The following NSD1 variants were observed in gnomAD, a reference collection of about 807,000 sequenced individuals.
The protein encoded by NSD1 is nuclear receptor binding SET domain protein 1.
Under a neutral mutation model 242.7 loss-of-function variants are expected in NSD1, and 26 were observed. The observed-to-expected ratio is 0.11, with a 90% confidence interval of 0.08 to 0.15. The LOEUF (loss-of-function observed/expected upper bound fraction) is 0.15. NSD1 is among the 10% of genes least tolerant of loss of function. The pLI is 1.00. For missense variants in NSD1, 2,495 were observed against 3,272.8 expected, an observed-to-expected ratio of 0.76 and a Z score of 5.80; for synonymous variants, 1,106 against 1,178.1, an observed-to-expected ratio of 0.94 and a Z score of 1.25.
At chr5:177,288,065 A>G (rs925665387) in intron 20 of NSD1, among the ~76,000 whole-genome samples, 1 of 152,224 alleles carries the variant, frequency 6.6e-6, no homozygotes, top group African/African-American at 2.4e-5. Flanking sequence ...ATATTTATGT[A>G]AAATTCTTAT....
At position 177,240,253 on chromosome 5, in the gene NSD1, A is replaced by G. The variant is rs549809827; in HGVS notation, c.4302+388A>G. ...CCCTTTTGTTTTGTTTTTTTGAGAC[A>G]GGGTCTGATTCTGTCACCCAGGCTG... On this transcript the variant is annotated intron_variant, in intron 8 of 22. Transcript: ENST00000439151. Among the ~76,000 whole-genome samples, 33 of 152,166 alleles carry G rather than the reference A, an allele frequency of 2.2e-4. No individual in the cohort carries two copies. In the South Asian group the frequency reaches 6.8e-3, roughly 32 times the overall value.
chr5:177,231,961 A>G (rs1427858360), intron 5 of NSD1, among the ~76,000 whole-genome samples: 1 of 152,020 alleles, frequency 6.6e-6, no homozygotes, highest in Non-Finnish European at 1.5e-5. Flanking sequence ...GTGTGGTGGC[A>G]CTGTCTTGGC....
chr5:177,152,309 TTGTG>T (rs34710422), intron 2 of NSD1, among the ~76,000 whole-genome samples: 15,489 of 145,278 alleles, frequency 0.11, 933 homozygotes, highest in East Asian at 0.24. Flanking sequence ...CCGAGCCAGG[TTGTG>T]TGTGTGTGTA....
intron 2 of NSD1, among the ~76,000 whole-genome samples, chr5:177,145,347 C>T (rs985088761): frequency 6.7e-5 from 10 of 149,476 alleles, no homozygotes; most frequent in African/African-American, 2.5e-4. Context: ...AGTATGATCA[C>T]AACTCACTGC....
At chr5:177,150,905 A>T (rs1489567580) in intron 2 of NSD1, among the ~76,000 whole-genome samples, 1 of 152,250 alleles carries the variant, frequency 6.6e-6, no homozygotes, top group African/African-American at 2.4e-5. Flanking sequence ...CTAATTTGTC[A>T]TTGGAATTTT....
In NSD1 at chr5:177,144,382, G is replaced by GT. The variant is rs10714468; in HGVS notation, c.927+8363dup. Among the ~76,000 whole-genome samples the GT allele has an allele frequency of 2.5e-4, 38 of 149,098 alleles. 1 individual carries two copies. In the South Asian group the frequency reaches 3.2e-3, roughly 12 times the overall value. ...AGCCACTGCATTTGGCTAAGTTTTT[G>GT]TTTTTTTTTTTCTCTATTTTTCCAA... On this transcript the variant is annotated intron_variant, in intron 2 of 22. Coordinates refer to ENST00000439151, the MANE Select transcript of NSD1 (RefSeq NM_022455.5).
chr5:177,239,262 T>C (rs1163040682), intron 7 of NSD1, among the ~76,000 whole-genome samples: 2 of 152,244 alleles, frequency 1.3e-5, no homozygotes, highest in African/African-American at 4.8e-5. Flanking sequence ...TAAAGATAGT[T>C]ATTATTTCAG....
intron 2 of NSD1, among the ~76,000 whole-genome samples, chr5:177,140,883 A>ATTTTTTGAATTT (rs1201949428): frequency 1.3e-5 from 2 of 152,144 alleles, no homozygotes; most frequent in Non-Finnish European, 1.5e-5. Flanking sequence ...ATGATTCCTC[A>ATTTTTTGAATTT]GAGGTTCCTT....
At chr5:177,246,568 G>C (rs539925915) in intron 9 of NSD1, 110 bp from the exon 10 acceptor site, 1 of 784,036 alleles carries the variant, frequency 1.3e-6, no homozygotes, top group East Asian at 2.5e-5. Context: ...AATCCACAAA[G>C]CTGGAGAATT....
intron 5 of NSD1, among the ~76,000 whole-genome samples, chr5:177,219,476 C>T (rs1167896583): frequency 8.5e-5 from 13 of 152,156 alleles, no homozygotes; most frequent in African/African-American, 2.4e-4. Flanking sequence ...TGAGCCACCG[C>T]GCCCGGCCCT....
chr5:177,156,532 T>C (rs995969222), intron 2 of NSD1, among the ~76,000 whole-genome samples: 1 of 152,120 alleles, frequency 6.6e-6, no homozygotes, highest in African/African-American at 2.4e-5. Flanking sequence ...AAATCAGACT[T>C]GGCTTGGAGC....
At chr5:177,251,455 T>C (rs1365287618) in intron 11 of NSD1, among the ~76,000 whole-genome samples, 1 of 152,176 alleles carries the variant, frequency 6.6e-6, no homozygotes, top group African/African-American at 2.4e-5. Flanking sequence ...ATCTCTATGC[T>C]CTTTTCTGAC....
chr5:177,259,732 T>C (rs1756833560), intron 13 of NSD1, among the ~76,000 whole-genome samples: 1 of 152,120 alleles, frequency 6.6e-6, no homozygotes, highest in South Asian at 2.1e-4. Context: ...GTCAGGACAG[T>C]GGTTTGAGTT....
rs142176028 is a variant in NSD1 at position 177,220,081 on chromosome 5, C to G, written c.3796+7886C>G. ...TATATGTTTGTTATATGCAATTGTT[C>G]AAGTCCTCTGTTTCTTTATTGATCT... is the stretch of plus-strand genomic sequence containing the variant. On this transcript the variant is annotated intron_variant, in intron 5 of 22. Coordinates refer to ENST00000439151, the MANE Select transcript of NSD1 (RefSeq NM_022455.5). 4.3e-3 allele frequency among the ~76,000 whole-genome samples: 647 copies of G among 152,202 alleles called. 3 individuals carry two copies. The highest frequency in any genetic ancestry group is 0.014 in the African/African-American group (591 of 41,528).
chr5:177,161,658 C>T (rs1180201814), intron 2 of NSD1, among the ~76,000 whole-genome samples: 2 of 149,488 alleles, frequency 1.3e-5, no homozygotes, highest in East Asian at 2.0e-4. Flanking sequence ...TATTTATAAA[C>T]CTGTTTTCTG....
At chr5:177,283,354 T>A (rs911962873) in intron 19 of NSD1, among the ~76,000 whole-genome samples, 1 of 152,242 alleles carries the variant, frequency 6.6e-6, no homozygotes, top group Non-Finnish European at 1.5e-5. Context: ...GATATTCTGA[T>A]CTTACTTTGG....
intron 17 of NSD1, among the ~76,000 whole-genome samples, chr5:177,275,765 A>T (rs999902618): frequency 6.6e-6 from 1 of 151,804 alleles, no homozygotes; most frequent in South Asian, 2.1e-4. Context: ...CTTCTTTAGC[A>T]TAGTTGTGAA....
chr5:177,207,771 C>T (rs770652700), intron 4 of NSD1, among the ~76,000 whole-genome samples: 15 of 151,714 alleles, frequency 9.9e-5, no homozygotes, highest in Admixed American at 7.2e-4. Flanking sequence ...GAGACAGGAT[C>T]GTGCTCTGTC....
intron 2 of NSD1, among the ~76,000 whole-genome samples, chr5:177,144,335 A>G (rs887511385): frequency 2.6e-5 from 4 of 151,120 alleles, no homozygotes; most frequent in South Asian, 4.2e-4. Flanking sequence ...CAGCCTTCCA[A>G]CGTATTGGGA....
Sources: gnomAD v4.1 joint callset for allele counts (sites outside exome capture counted in the v4.1 genomes callset) on GRCh38, gnomAD v4.1.1 for gene constraint, MANE v1.5 for transcripts, NCBI Gene and HGNC (gene_info 2026-07-23, HGNC 2026-07-21) for gene names.